AVPI1: variants seen among roughly 807,000 people sequenced by gnomAD.
The protein encoded by AVPI1 is arginine vasopressin-induced protein 1.
AVPI1 carries 9 observed loss-of-function variants against 11.9 expected under a neutral mutation model. The observed-to-expected ratio is 0.76, with a 90% CI of 0.46 to 1.32. The LOEUF (loss-of-function observed/expected upper bound fraction) is 1.32, where lower values mean the gene tolerates loss of function less well. Among genes scored for constraint, AVPI1 ranks in the 40% most tolerant of loss-of-function variants. The pLI is 0.00. For missense variants in AVPI1, 207 were observed against 195.8 expected (o/e 1.06, Z -0.34); for synonymous variants, 68 against 78.1 (o/e 0.87, Z 0.68).
chr10:97,680,939 C>A (rs1315226818), intron 1 of AVPI1, among the ~76,000 whole-genome samples: 1 of 152,144 alleles, frequency 6.6e-6, no homozygotes, highest in Non-Finnish European at 1.5e-5. Context: ...GTCAATGTCT[C>A]CCATCATATC....
intron 1 of AVPI1, among the ~76,000 whole-genome samples, chr10:97,684,306 G>A (rs1356507934): frequency 6.6e-6 from 1 of 152,068 alleles, no homozygotes; most frequent in Non-Finnish European, 1.5e-5. Flanking sequence ...GGGAGGAAAT[G>A]GCTTGGAGCC....
intron 1 of AVPI1, 64 bp from the exon 2 acceptor site, chr10:97,679,979 G>A (rs1239098022): frequency 4.3e-6 from 6 of 1,403,870 alleles, no homozygotes; most frequent in Non-Finnish European, 4.7e-6. Context: ...TGGGGGTCCT[G>A]GCTAATCCTA....
intron 1 of AVPI1, among the ~76,000 whole-genome samples, chr10:97,684,379 G>A (rs1368737373): frequency 6.6e-6 from 1 of 151,958 alleles, no homozygotes; most frequent in Non-Finnish European, 1.5e-5. Flanking sequence ...AGCGAGCTGC[G>A]AGTCACAAAC....
intron 1 of AVPI1, among the ~76,000 whole-genome samples, chr10:97,685,646 C>T (rs2041725135): frequency 6.6e-6 from 1 of 152,208 alleles, no homozygotes; most frequent in Non-Finnish European, 1.5e-5. Flanking sequence ...GCCTGCTATC[C>T]TATACAGACA....
chr10:97,680,486 C>A (rs1459774806), intron 1 of AVPI1, among the ~76,000 whole-genome samples: 1 of 152,184 alleles, frequency 6.6e-6, no homozygotes, highest in Non-Finnish European at 1.5e-5. Context: ...GGCCCAGGTG[C>A]CGTAGCACAA....
In AVPI1 at chr10:97,687,063, T is replaced by A. The variant is rs1045464310; in HGVS notation, c.-308A>T. 2.0e-5 allele frequency: 3 copies of A among 152,376 alleles called. No individual in the cohort carries two copies. The highest frequency in any genetic ancestry group is 4.8e-5 in the African/African-American group (2 of 41,478). 9.4% of individuals were successfully genotyped at this position (152,376 alleles called of 1,614,324 possible). A position where few individuals can be genotyped will look rare whatever the true frequency, so the allele number is the denominator to read the frequency against. ...GTCCCGCTGGCACCCCGGCTCTGAC[T>A]GTCGCCCTCCGGCTCCCACCGCAGC... On this transcript the variant is annotated 5_prime_UTR_variant, in exon 1 of 3. Coordinates refer to ENST00000370626, the MANE Select transcript of AVPI1 (RefSeq NM_021732.3).
Position 97,678,953 on chromosome 10 carries a change from G to GACAGGA in AVPI1, c.287+665_287+666insTCCTGT, listed in dbSNP as rs1564779916. On this transcript the variant is annotated intron_variant, in intron 2 of 2. Transcript: ENST00000370626. ...TGTGTGTGTGTGTGTGTGTGTGTGT[G>GACAGGA]TGTGTGTGTGTGTGTGTGTGTGTGT... is the stretch of plus-strand genomic sequence containing the variant. Among the ~76,000 whole-genome samples, 65 of 45,998 alleles carry GACAGGA rather than the reference G, an allele frequency of 1.4e-3. 7 individuals carry two copies. Among genetic ancestry groups the GACAGGA allele is most frequent in the East Asian group, 0.01 (19 of 1,894 alleles). 30.2% of individuals were successfully genotyped at this position (45,998 alleles called of 152,430 possible). A position where few individuals can be genotyped will look rare whatever the true frequency, so the allele number is the denominator to read the frequency against.
chr10:97,685,709 C>T (rs1375469124), intron 1 of AVPI1, among the ~76,000 whole-genome samples: 3 of 152,156 alleles, frequency 2.0e-5, no homozygotes, highest in African/African-American at 7.2e-5. Flanking sequence ...AAGCCCAGTT[C>T]AAATCGCTGT....
intron 1 of AVPI1, among the ~76,000 whole-genome samples, chr10:97,683,567 A>G (rs533485598): frequency 6.6e-6 from 1 of 152,372 alleles, no homozygotes; most frequent in East Asian, 1.9e-4. Context: ...CATGAAGGGG[A>G]AATCCTACCA....
intron 1 of AVPI1, among the ~76,000 whole-genome samples, chr10:97,681,260 C>T (rs1011758335): frequency 1.3e-5 from 2 of 152,096 alleles, no homozygotes. Context: ...TATCAGTTAC[C>T]CAATAAGAGG....
chr10:97,683,914 G>C (rs993061700), intron 1 of AVPI1, among the ~76,000 whole-genome samples: 1 of 151,848 alleles, frequency 6.6e-6, no homozygotes, highest in Non-Finnish European at 1.5e-5. Context: ...GTTTGTTTCT[G>C]AGGGCCTGCA....
At position 97,678,922 on chromosome 10, in the gene AVPI1, TGTGTGTGTGTGTGTGTGTGTGTG is replaced by T. The variant is rs1564779839; in HGVS notation, c.287+674_287+696del. ...GTGTGTGTGTGTGTGTGTGTGTGTG[TGTGTGTGTGTGTGTGTGTGTGTG>T]TGTGTGTGTGTGTGTGTGTGTGTGT... On this transcript the variant is annotated intron_variant, in intron 2 of 2. Transcript: ENST00000370626. 1.7e-3 allele frequency among the ~76,000 whole-genome samples: 30 copies of T among 17,278 alleles called. 2 individuals are homozygous for T. Among genetic ancestry groups the T allele is most frequent in the East Asian group, 0.015 (15 of 978 alleles). The allele number at this position is 17,278 out of a possible 152,430, so 11.3% of individuals were successfully genotyped here.
intron 2 of AVPI1, among the ~76,000 whole-genome samples, chr10:97,679,172 GCT>G (rs1163742386): frequency 1.5e-5 from 2 of 134,690 alleles, no homozygotes; most frequent in East Asian, 4.2e-4. Flanking sequence ...ACAGAGTCTC[GCT>G]CTGTCACCCA....
chr10:97,683,578 A>G lies in AVPI1; in HGVS notation c.-11+3188T>C, dbSNP rs545569079. Among the ~76,000 whole-genome samples, 3 of 152,330 alleles carry G rather than the reference A, an allele frequency of 2.0e-5. No homozygotes were observed. In the South Asian group the frequency reaches 6.2e-4, roughly 32 times the overall value. ...AATTCATGAAGGGGAAATCCTACCAATGGAAAGGGAAGGACAATGAATTAT... is the reference window on the plus strand; with the variant it reads ...AATTCATGAAGGGGAAATCCTACCAGTGGAAAGGGAAGGACAATGAATTAT... On this transcript the variant is annotated intron_variant, in intron 1 of 2. Coordinates refer to ENST00000370626, the MANE Select transcript of AVPI1 (RefSeq NM_021732.3).
At chr10:97,682,488 A>C (rs1240168286) in intron 1 of AVPI1, among the ~76,000 whole-genome samples, 1 of 152,182 alleles carries the variant, frequency 6.6e-6, no homozygotes, top group Non-Finnish European at 1.5e-5. Context: ...ATATATAAAA[A>C]CTTTTCCAAT....
chr10:97,685,131 TAAAAG>T (rs1414113101), intron 1 of AVPI1, among the ~76,000 whole-genome samples: 1 of 152,128 alleles, frequency 6.6e-6, no homozygotes, highest in Non-Finnish European at 1.5e-5. Context: ...AGAACTGACA[TAAAAG>T]AAGGTAAGTA....
chr10:97,685,142 A>G (rs2041722773), intron 1 of AVPI1, among the ~76,000 whole-genome samples: 1 of 152,208 alleles, frequency 6.6e-6, no homozygotes. Flanking sequence ...AAAAGAAGGT[A>G]AGTATGGGTC....
rs2041692769 is a variant in AVPI1, at chr10:97,679,711, G to A, written c.195C>T (p.His65=). The change falls in exon 2 of 3, where the codon CAC becomes CAT. Residue 65 remains histidine (H), a synonymous_variant. Transcript: ENST00000370626. ...AQIIWECAGD[H]RVAEALKRLR... ...GCCTCTTGAGGGCCTCAGCCACACGGTGGTCCCCTGCACATTCCCAGATGA... is the reference window on the plus strand; with the variant it reads ...GCCTCTTGAGGGCCTCAGCCACACGATGGTCCCCTGCACATTCCCAGATGA... 1.9e-6 allele frequency: 3 copies of A among 1,614,074 alleles called. No individual in the cohort carries two copies. Among genetic ancestry groups the A allele is most frequent in the Admixed American group, 1.7e-5 (1 of 60,004 alleles).
At position 97,679,899 on chromosome 10, in the gene AVPI1, T is replaced by C; in HGVS notation, c.7A>G (p.Thr3Ala). 6.4e-7 allele frequency: 1 copy of C among 1,574,668 alleles called. No homozygotes were observed. Residue 3 changes from threonine to alanine, a missense_variant, in exon 2 of 3, where the codon ACC becomes GCC. Physicochemically the swap from Thr to Ala is moderately conservative, Grantham distance 58 (BLOSUM62 0). Transcript: ENST00000370626. MGTPASVVSEPPP... is the reference protein window; with the variant it reads MGAPASVVSEPPP... ...GGCTCACTGACCACCGAGGCTGGGGTACCCATTGTGGATGCTCTGAGGATG... is the reference window on the plus strand; with the variant it reads ...GGCTCACTGACCACCGAGGCTGGGGCACCCATTGTGGATGCTCTGAGGATG...
Sources: gnomAD v4.1 joint callset for allele counts (sites outside exome capture counted in the v4.1 genomes callset) on GRCh38, gnomAD v4.1.1 for gene constraint, MANE v1.5 for transcripts, NCBI Gene and HGNC (gene_info 2026-07-23, HGNC 2026-07-21) for gene names.